The following EHHADH variants were observed in gnomAD, a reference collection of about 807,000 sequenced individuals.
EHHADH encodes enoyl-CoA hydratase and 3-hydroxyacyl CoA dehydrogenase, also known as peroxisomal bifunctional enzyme.
A neutral mutation model predicts 64.4 loss-of-function variants in EHHADH; 48 were observed. That is an observed-to-expected ratio of 0.75 (90% confidence interval 0.59 to 0.95). The LOEUF is 0.95. Ranked by LOEUF, EHHADH falls within the 40% of genes least tolerant of loss-of-function variation. The pLI, the probability that EHHADH is intolerant of heterozygous loss-of-function variation, is 0.00. For missense variants in EHHADH, 854 were observed against 876.6 expected, an observed-to-expected ratio of 0.97 and a Z score of 0.33; for synonymous variants, 308 against 326.7, an observed-to-expected ratio of 0.94 and a Z score of 0.62.
Position 185,192,592 on chromosome 3 carries a change from C to A in EHHADH, c.1806G>T (p.Arg602=), listed in dbSNP as rs753351055. The change falls in exon 7 of 7, where the codon CGG becomes CGT. Residue 602 remains arginine, a synonymous_variant. Transcript: ENST00000231887. The part of the protein sequence containing the change: ...PDPWLSKFLS[R]YRKTHHIEPR... Reference sequence around the variant, plus strand: ...GTTCAATGTGATGGGTTTTTCTATACCGTGATAGGAATTTGGAAAGCCAGG... The same window carrying A: ...GTTCAATGTGATGGGTTTTTCTATAACGTGATAGGAATTTGGAAAGCCAGG... 5 of 1,614,060 alleles carry A rather than the reference C, an allele frequency of 3.1e-6. No homozygotes were observed. Among genetic ancestry groups the A allele is most frequent in the South Asian group, 2.2e-5 (2 of 91,090 alleles).
intron 4 of EHHADH, among the ~76,000 whole-genome samples, chr3:185,228,257 AAT>A (rs1235531098): frequency 0.2 from 4,359 of 21,942 alleles, 474 homozygotes; most frequent in Middle Eastern, 0.21. Context: ...AAAAAAAAAA[AAT>A]ATATATATAT....
chr3:185,216,485 A>T lies in EHHADH; in HGVS notation c.568+1651T>A, dbSNP rs963099421. 6.6e-6 allele frequency among the ~76,000 whole-genome samples: 1 copy of T among 152,224 alleles called. No homozygotes were observed. Among genetic ancestry groups the T allele is most frequent in the Non-Finnish European group, 1.5e-5 (1 of 68,026 alleles). On this transcript the variant is annotated intron_variant, in intron 5 of 6. Coordinates refer to ENST00000231887, the MANE Select transcript of EHHADH (RefSeq NM_001966.4). The surrounding 1 kb of genome is among the most constrained non-coding windows in gnomAD (Gnocchi z 5.3). ...AACAAAACAATAAGCCCCCTCGGGA[A>T]GCACAATGATGAAAACACAGTGAAG... is the stretch of plus-strand genomic sequence containing the variant.
chr3:185,228,498 G>C (rs1437636158), intron 4 of EHHADH, among the ~76,000 whole-genome samples: 1 of 151,022 alleles, frequency 6.6e-6, no homozygotes, highest in Non-Finnish European at 1.5e-5. Flanking sequence ...GACAAACATG[G>C]AGAAACCCCG....
intron 5 of EHHADH, among the ~76,000 whole-genome samples, chr3:185,210,775 T>G (rs1373890866): frequency 6.6e-6 from 1 of 152,112 alleles, no homozygotes; most frequent in Non-Finnish European, 1.5e-5. Flanking sequence ...CAAGGACAGC[T>G]GCAGTTCCTG....
intron 4 of EHHADH, among the ~76,000 whole-genome samples, chr3:185,221,388 T>C (rs967291111): frequency 1.3e-5 from 2 of 152,150 alleles, no homozygotes; most frequent in African/African-American, 4.8e-5. Flanking sequence ...CTTAAAATAG[T>C]TCACATTCTT....
At chr3:185,221,197 T>A (rs992019703) in intron 4 of EHHADH, among the ~76,000 whole-genome samples, 3 of 152,232 alleles carry the variant, frequency 2.0e-5, no homozygotes, top group African/African-American at 7.2e-5. Context: ...TTCCCCCATA[T>A]ACTTTAAGTA....
intron 2 of EHHADH, among the ~76,000 whole-genome samples, chr3:185,236,325 G>T (rs554375134): frequency 6.9e-6 from 1 of 143,984 alleles, no homozygotes; most frequent in South Asian, 2.2e-4. Context: ...AATGCCTGAT[G>T]ATCTGAGGTG....
chr3:185,196,174 T>C (rs1034842802), intron 6 of EHHADH, among the ~76,000 whole-genome samples: 1 of 152,242 alleles, frequency 6.6e-6, no homozygotes, highest in Non-Finnish European at 1.5e-5. Flanking sequence ...TGAAATCTAT[T>C]AATTTAGTGT....
Position 185,229,445 on chromosome 3 carries a change from G to A in EHHADH, c.450C>T (p.Asp150=), listed in dbSNP as rs116162834. 241 of 1,542,020 alleles carry A rather than the reference G, an allele frequency of 1.6e-4. No homozygotes were observed. The African/African-American group carries it at 3.0e-3, about 19-fold the overall frequency. Reference sequence around the variant, plus strand: ...GTCTATACTGACCTGAGGTAATTAAGTCAAGTGCAGCAGGAACTCCAGTGA... The same window carrying A: ...GTCTATACTGACCTGAGGTAATTAAATCAAGTGCAGCAGGAACTCCAGTGA... ...PRLTGVPAAL[D]LITSGRRILA... is the part of the protein sequence containing the mutation. The change falls in exon 4 of 7, where the codon GAC becomes GAT. Residue 150 remains aspartate, a synonymous_variant. Transcript: ENST00000231887.
chr3:185,206,720 C>T (rs191737437), intron 5 of EHHADH, among the ~76,000 whole-genome samples: 11 of 151,794 alleles, frequency 7.2e-5, no homozygotes, highest in African/African-American at 1.5e-4. Flanking sequence ...CCCAGCTACT[C>T]GGGAAGCTGA....
At chr3:185,243,217 C>T (rs1441257391) in intron 2 of EHHADH, among the ~76,000 whole-genome samples, 1 of 152,204 alleles carries the variant, frequency 6.6e-6, no homozygotes, top group East Asian at 1.9e-4. Flanking sequence ...TTTGGGATGT[C>T]TCCTGTGTCC....
chr3:185,239,197 T>C (rs1290064008), intron 2 of EHHADH, among the ~76,000 whole-genome samples: 1 of 152,208 alleles, frequency 6.6e-6, no homozygotes, highest in African/African-American at 2.4e-5. Context: ...CCTTATAATA[T>C]AATATGAAGT....
At chr3:185,222,132 C>A (rs1718852555) in intron 4 of EHHADH, among the ~76,000 whole-genome samples, 1 of 151,958 alleles carries the variant, frequency 6.6e-6, no homozygotes, top group African/African-American at 2.4e-5. Flanking sequence ...GTAATCCCAG[C>A]ACTTTGGGAG....
chr3:185,242,236 C>T lies in EHHADH; in HGVS notation c.178+6178G>A, dbSNP rs141243408. ...AGAATCAATATTGTGAAAATGACCA[C>T]GCTGCCAAAAGCAATCTACAAATTC... On this transcript the variant is annotated intron_variant, in intron 2 of 6. Coordinates refer to ENST00000231887, the MANE Select transcript of EHHADH (RefSeq NM_001966.4). Among the ~76,000 whole-genome samples the T allele has an allele frequency of 5.4e-3, 816 of 152,250 alleles. 10 individuals carry two copies. Among genetic ancestry groups the T allele is most frequent in the African/African-American group, 0.019 (778 of 41,558 alleles).
Position 185,204,695 on chromosome 3 carries a change from T to C in EHHADH, c.631A>G (p.Ser211Gly), listed in dbSNP as rs1718338133. 6.2e-7 allele frequency: 1 copy of C among 1,614,020 alleles called. No homozygotes were observed. The highest frequency in any genetic ancestry group is 1.7e-5 in the Admixed American group (1 of 60,000). The change falls in exon 6 of 7, where the codon AGC becomes GGC. Residue 211 changes from serine (S) to glycine (G), a missense_variant. Transcript: ENST00000231887. Reference protein sequence around the residue: ...KPIQSLPNMDSIFSEALLKMR... With the variant: ...KPIQSLPNMDGIFSEALLKMR... Reference sequence around the variant, plus strand: ...TTCAAGAGGGCCTCACTAAAAATGCTGTCCATGTTGGGCAAGCTCTGAATT... The same window carrying C: ...TTCAAGAGGGCCTCACTAAAAATGCCGTCCATGTTGGGCAAGCTCTGAATT...
chr3:185,204,819 A>G, intron 5 of EHHADH, 62 bp from the exon 6 acceptor site: 1 of 1,346,516 alleles, frequency 7.4e-7, no homozygotes, highest in Non-Finnish European at 1.0e-6. Context: ...GAATGTGAAT[A>G]TATAGTAATA....
At chr3:185,214,221 C>T (rs1429508252) in intron 5 of EHHADH, among the ~76,000 whole-genome samples, 2 of 152,326 alleles carry the variant, frequency 1.3e-5, no homozygotes, top group East Asian at 3.9e-4. Flanking sequence ...CCAAAACACA[C>T]ATTACACCCC....
intron 6 of EHHADH, among the ~76,000 whole-genome samples, chr3:185,194,609 TAACAAC>T (rs35024076): frequency 0.047 from 6,744 of 144,492 alleles, 476 homozygotes; most frequent in African/African-American, 0.15. Context: ...TGAAACTCTG[TAACAAC>T]AACAACAACA....
intron 6 of EHHADH, among the ~76,000 whole-genome samples, chr3:185,198,520 C>T (rs1718134303): frequency 2.0e-5 from 3 of 152,006 alleles, no homozygotes; most frequent in Admixed American, 2.0e-4. Context: ...TGTGCTCAGC[C>T]GCAGCTGTAC....
Sources: allele counts gnomAD v4.1 joint callset (sites outside exome capture counted in the v4.1 genomes callset), GRCh38; gene constraint gnomAD v4.1.1; non-coding constraint Gnocchi (gnomAD v3.1); transcripts MANE v1.5; gene names NCBI Gene and HGNC (gene_info 2026-07-23, HGNC 2026-07-21).